The following HMGCLL1 variants were observed in gnomAD, a reference collection of about 807,000 sequenced individuals.
HMGCLL1 encodes 3-hydroxymethyl-3-methylglutaryl-CoA lyase, cytoplasmic.
Under a neutral mutation model 39.1 loss-of-function variants are expected in HMGCLL1, and 36 were observed. The observed-to-expected ratio is 0.92, with a 90% CI of 0.71 to 1.22. HMGCLL1 has a LOEUF of 1.22. Among genes scored for constraint, HMGCLL1 ranks in the 50% most tolerant of loss-of-function variants. HMGCLL1 has a pLI of 0.00. For missense variants in HMGCLL1, 451 were observed against 416.5 expected (o/e 1.08, Z -0.72); for synonymous variants, 149 against 144.0 (o/e 1.03, Z -0.25).
At chr6:55,631,284 C>T in the HMGCLL1 span, among the ~76,000 whole-genome samples, 2 of 151,970 alleles carry the variant, frequency 1.3e-5, no homozygotes, top group Admixed American at 6.6e-5. Context: ...TTTAGGCGTT[C>T]CTCATTCTTT....
At chr6:55,481,801 CCTACCTACCTAT>C (rs1423056664) in intron 7 of HMGCLL1, among the ~76,000 whole-genome samples, 5 of 152,006 alleles carry the variant, frequency 3.3e-5, no homozygotes, top group South Asian at 4.1e-4. Context: ...TATCTATCTA[CCTACCTACCTAT>C]CTACCTACCT....
Position 55,516,489 on chromosome 6 carries a change from A to C in HMGCLL1, c.393+19T>G, listed in dbSNP as rs1393128757. ...GATAAGAGGCCTATCAATTTTAGAG[A>C]TATTAGTAGCACACTTACAGCATGG... On this transcript the variant is annotated intron_variant, in intron 4 of 8. Coordinates refer to ENST00000274901, the MANE Select transcript of HMGCLL1 (RefSeq NM_001042406.2). The C allele has an allele frequency of 1.3e-6, 2 of 1,509,802 alleles. No homozygotes were observed. The highest frequency in any genetic ancestry group is 1.8e-6 in the Non-Finnish European group (2 of 1,094,088). 93.5% of individuals were successfully genotyped at this position (1,509,802 alleles called of 1,614,324 possible).
intron 1 of HMGCLL1, among the ~76,000 whole-genome samples, chr6:55,547,860 G>C (rs1465546424): frequency 6.6e-6 from 1 of 151,876 alleles, no homozygotes; most frequent in East Asian, 1.9e-4. Context: ...CAAATATAAT[G>C]AGAAATACAA....
At chr6:55,532,685 C>T (rs1018930701) in intron 3 of HMGCLL1, among the ~76,000 whole-genome samples, 19 of 151,730 alleles carry the variant, frequency 1.3e-4, no homozygotes, top group African/African-American at 4.6e-4. Flanking sequence ...CCTGTAATCC[C>T]AGCTACTTGA....
At position 55,495,485 on chromosome 6, in the gene HMGCLL1, A is replaced by G; in HGVS notation, c.729T>C (p.Gly243=). ...TGTCATGACAGTGAACAGCAAGAGCACCTGGTGGGATTTCTTTCATCACAC... is the reference window on the plus strand; with the variant it reads ...TGTCATGACAGTGAACAGCAAGAGCGCCTGGTGGGATTTCTTTCATCACAC... ...LESVMKEIPP[G]ALAVHCHDTY... is the part of the protein sequence containing the mutation. Residue 243 remains glycine (G), a synonymous_variant, in exon 7 of 9, where the codon GGT becomes GGC. Transcript: ENST00000274901. 1 of 1,614,102 alleles carries G rather than the reference A, an allele frequency of 6.2e-7. No homozygotes were observed. Among genetic ancestry groups the G allele is most frequent in the Non-Finnish European group, 8.5e-7 (1 of 1,179,976 alleles).
At chr6:55,457,824 C>T (rs896683252) in intron 7 of HMGCLL1, among the ~76,000 whole-genome samples, 1 of 152,108 alleles carries the variant, frequency 6.6e-6, no homozygotes, top group South Asian at 2.1e-4. Context: ...TTTTTATTAA[C>T]CCACCTTGAG....
chr6:55,551,650 C>A (rs1770333965), intron 1 of HMGCLL1, among the ~76,000 whole-genome samples: 1 of 151,920 alleles, frequency 6.6e-6, no homozygotes, highest in Non-Finnish European at 1.5e-5. Flanking sequence ...GCCTCATCAG[C>A]AACCCCCTCT....
chr6:55,628,003 T>TA, the HMGCLL1 span, among the ~76,000 whole-genome samples: 13 of 418 alleles, frequency 0.031, 1 homozygote, highest in Non-Finnish European at 0.032. Flanking sequence ...ATATATATAG[T>TA]TATATACTAT....
chr6:55,614,105 T>C, the HMGCLL1 span, among the ~76,000 whole-genome samples: 1 of 152,234 alleles, frequency 6.6e-6, no homozygotes, highest in East Asian at 1.9e-4. Context: ...ATTAGATATA[T>C]GTAAATTCAT....
In HMGCLL1 at chr6:55,483,051, T is replaced by C. The variant is rs565243028; in HGVS notation, c.795+12368A>G. On this transcript the variant is annotated intron_variant, in intron 7 of 8. Coordinates refer to ENST00000274901, the MANE Select transcript of HMGCLL1 (RefSeq NM_001042406.2). ...AATCTATGGAATCATGGGCCTCCTA[T>C]AGGAAAAGAAATAACCAAATTTCAT... 2.6e-5 allele frequency among the ~76,000 whole-genome samples: 4 copies of C among 152,172 alleles called. No homozygotes were observed. In the South Asian group the frequency reaches 8.3e-4, roughly 32 times the overall value.
rs139005263 is a variant in HMGCLL1, at chr6:55,517,450, CA to C, written c.298-848del. Among the ~76,000 whole-genome samples, 409 of 151,844 alleles carry C rather than the reference CA, an allele frequency of 2.7e-3. 4 individuals carry two copies. Among genetic ancestry groups the C allele is most frequent in the African/African-American group, 9.1e-3 (377 of 41,446 alleles). ...ATAAATATGAAGAATAGTATATAAGCAGTGGAAAGTATACAAAATGAACATG... is the reference window on the plus strand; with the variant it reads ...ATAAATATGAAGAATAGTATATAAGCGTGGAAAGTATACAAAATGAACATG... On this transcript the variant is annotated intron_variant, in intron 3 of 8. Coordinates refer to ENST00000274901, the MANE Select transcript of HMGCLL1 (RefSeq NM_001042406.2).
At chr6:55,515,936 CA>C (rs1223203307) in intron 4 of HMGCLL1, among the ~76,000 whole-genome samples, 1 of 151,964 alleles carries the variant, frequency 6.6e-6, no homozygotes, top group Non-Finnish European at 1.5e-5. Flanking sequence ...ATACGGATAA[CA>C]CCTTAAAATT....
chr6:55,450,046 G>A (rs2127388053), intron 7 of HMGCLL1, among the ~76,000 whole-genome samples: 1 of 152,222 alleles, frequency 6.6e-6, no homozygotes, highest in Non-Finnish European at 1.5e-5. Context: ...AAAAATGGCA[G>A]AGGTTCAAAT....
the HMGCLL1 span, among the ~76,000 whole-genome samples, chr6:55,609,521 G>T: frequency 6.6e-6 from 1 of 152,094 alleles, no homozygotes; most frequent in African/African-American, 2.4e-5. Flanking sequence ...ACAGAACTCT[G>T]ATCTCCCTGG....
At chr6:55,498,246 A>AT (rs151027429) in intron 6 of HMGCLL1, among the ~76,000 whole-genome samples, 7,534 of 152,192 alleles carry the variant, frequency 0.05, 270 homozygotes, top group Non-Finnish European at 0.077. Flanking sequence ...ATTCTTAAAA[A>AT]ATATATATAC....
At chr6:55,612,976 T>C in the HMGCLL1 span, among the ~76,000 whole-genome samples, 1 of 152,180 alleles carries the variant, frequency 6.6e-6, no homozygotes, top group Non-Finnish European at 1.5e-5. Flanking sequence ...AAAGAGCTTC[T>C]GCACAGCAAA....
chr6:55,515,275 G>A (rs1767678208), intron 4 of HMGCLL1, among the ~76,000 whole-genome samples: 1 of 151,502 alleles, frequency 6.6e-6, no homozygotes, highest in Non-Finnish European at 1.5e-5. Flanking sequence ...AAAATACATG[G>A]GGGGAGAAAA....
the HMGCLL1 span, among the ~76,000 whole-genome samples, chr6:55,646,903 T>C: frequency 6.6e-6 from 1 of 152,004 alleles, no homozygotes; most frequent in Non-Finnish European, 1.5e-5. Flanking sequence ...TTAGTTCCAT[T>C]TGTTCTGTAG....
At chr6:55,598,378 A>G in the HMGCLL1 span, among the ~76,000 whole-genome samples, 1 of 152,226 alleles carries the variant, frequency 6.6e-6, no homozygotes, top group East Asian at 1.9e-4. Flanking sequence ...TTAAATGCCA[A>G]CAGTAGTTGA....
Sources: gnomAD v4.1 joint callset for allele counts (sites outside exome capture counted in the v4.1 genomes callset) on GRCh38, gnomAD v4.1.1 for gene constraint, MANE v1.5 for transcripts, NCBI Gene and HGNC (gene_info 2026-07-23, HGNC 2026-07-21) for gene names.